PSD3: variants seen among roughly 807,000 people sequenced by gnomAD.
PSD3 encodes the protein pleckstrin and Sec7 domain containing 3, also known as PH and SEC7 domain-containing protein 3.
A neutral mutation model predicts 105.5 loss-of-function variants in PSD3; 49 were observed. The observed-to-expected ratio is 0.46, with a 90% CI of 0.37 to 0.59. The LOEUF is 0.59. Ranked by LOEUF, PSD3 falls within the 20% of genes least tolerant of loss-of-function variation. The pLI is 0.00. For missense variants in PSD3, 1,561 were observed against 1,263.8 expected (o/e 1.24, Z -3.57); for synonymous variants, 557 against 457.8 (o/e 1.22, Z -2.77).
At chr8:18,871,198 A>G (rs1817323501) in intron 3 of PSD3, among the ~76,000 whole-genome samples, 1 of 152,188 alleles carries the variant, frequency 6.6e-6, no homozygotes, top group African/African-American at 2.4e-5. Flanking sequence ...TTGGTGTTAT[A>G]CCCAGAAGAA....
rs544521765 is a variant in PSD3 at position 18,606,051 on chromosome 8, CCT to C, written c.2411-5619_2411-5618del. Among the ~76,000 whole-genome samples the C allele has an allele frequency of 5.7e-4, 87 of 152,228 alleles. 1 individual carries two copies. In the East Asian group the frequency reaches 0.014, roughly 25 times the overall value. On this transcript the variant is annotated intron_variant, in intron 11 of 15. Transcript: ENST00000327040. ...AGAATGGACTACTACAGATTTCTAC[CCT>C]GAGTCTAAATGCTATGTCTAAGCAC...
At chr8:18,595,281 CAA>C (rs35238330) in intron 12 of PSD3, among the ~76,000 whole-genome samples, 15,155 of 122,774 alleles carry the variant, frequency 0.12, 773 homozygotes, top group South Asian at 0.16. Flanking sequence ...AATGTTATTA[CAA>C]AAAAAAAAAA....
At chr8:18,545,672 T>C (rs1800413518) in intron 15 of PSD3, among the ~76,000 whole-genome samples, 1 of 152,232 alleles carries the variant, frequency 6.6e-6, no homozygotes, top group South Asian at 2.1e-4. Context: ...TAGCTTGTTA[T>C]GGCAACATTT....
intron 9 of PSD3, among the ~76,000 whole-genome samples, chr8:18,662,842 C>A (rs1221816794): frequency 2.0e-5 from 3 of 152,138 alleles, no homozygotes; most frequent in African/African-American, 7.2e-5. Flanking sequence ...AAATCCTAGG[C>A]ACAGCTTTTA....
At chr8:18,839,574 G>A (rs1431609688) in intron 4 of PSD3, among the ~76,000 whole-genome samples, 5 of 152,118 alleles carry the variant, frequency 3.3e-5, no homozygotes. Flanking sequence ...CCTACTTTAA[G>A]GAGAAACACT....
intron 9 of PSD3, among the ~76,000 whole-genome samples, chr8:18,747,509 T>A (rs1249438017): frequency 6.6e-6 from 1 of 152,218 alleles, no homozygotes; most frequent in African/African-American, 2.4e-5. Flanking sequence ...AACAGCAATC[T>A]TTCTGAATTA....
At chr8:18,844,319 T>C (rs1415630842) in intron 4 of PSD3, among the ~76,000 whole-genome samples, 1 of 152,184 alleles carries the variant, frequency 6.6e-6, no homozygotes, top group African/African-American at 2.4e-5. Context: ...ATTGATCTTT[T>C]CCCTGTTGTA....
intron 15 of PSD3, among the ~76,000 whole-genome samples, chr8:18,545,821 C>T (rs1301217912): frequency 6.6e-6 from 1 of 152,164 alleles, no homozygotes; most frequent in Non-Finnish European, 1.5e-5. Flanking sequence ...GTGTCACACT[C>T]ACAGCTCCAA....
At chr8:18,884,871 T>C (rs940107783) in intron 2 of PSD3, among the ~76,000 whole-genome samples, 1 of 152,188 alleles carries the variant, frequency 6.6e-6, no homozygotes, top group Non-Finnish European at 1.5e-5. Context: ...CTCTGTGAGC[T>C]AAGGAGTGGC....
At chr8:18,762,845 C>A in intron 9 of PSD3, 1 of 1,024,840 alleles carries the variant, frequency 9.8e-7, no homozygotes, top group Non-Finnish European at 1.3e-6. Context: ...TTTTTCTTAA[C>A]CCTTTCTCTT....
intron 9 of PSD3, among the ~76,000 whole-genome samples, chr8:18,738,712 G>C (rs780185969): frequency 1.3e-5 from 2 of 152,032 alleles, no homozygotes; most frequent in Admixed American, 1.3e-4. Context: ...CCATGACAGA[G>C]ATATAAACAG....
At chr8:19,019,381 C>T (rs1827288420) in intron 1 of PSD3, among the ~76,000 whole-genome samples, 2 of 152,116 alleles carry the variant, frequency 1.3e-5, no homozygotes, top group Non-Finnish European at 2.9e-5. Context: ...AATTCTCAAG[C>T]AATCCAAGAG....
intron 9 of PSD3, among the ~76,000 whole-genome samples, chr8:18,662,130 A>G (rs1392819315): frequency 2.0e-5 from 3 of 152,156 alleles, no homozygotes; most frequent in Non-Finnish European, 4.4e-5. Flanking sequence ...AAAACCACCT[A>G]ACCATGAATA....
intron 1 of PSD3, among the ~76,000 whole-genome samples, chr8:18,983,098 C>A (rs1282390647): frequency 2.0e-5 from 3 of 152,228 alleles, no homozygotes; most frequent in African/African-American, 7.2e-5. Flanking sequence ...GCAGCTTCTA[C>A]ATGAGCAATT....
intron 14 of PSD3, among the ~76,000 whole-genome samples, chr8:18,563,500 G>T (rs77123516): frequency 6.6e-6 from 1 of 151,972 alleles, no homozygotes; most frequent in East Asian, 1.9e-4. Flanking sequence ...TGTTCAAAAC[G>T]AAGTGGTACA....
At chr8:19,041,454 G>C (rs75380113) in intron 1 of PSD3, among the ~76,000 whole-genome samples, 1 of 152,178 alleles carries the variant, frequency 6.6e-6, no homozygotes, top group East Asian at 1.9e-4. Context: ...GTGAGAGAAT[G>C]TGTATGAAAA....
At chr8:18,693,155 G>A (rs941694215) in intron 9 of PSD3, among the ~76,000 whole-genome samples, 2 of 152,208 alleles carry the variant, frequency 1.3e-5, no homozygotes, top group African/African-American at 2.4e-5. Flanking sequence ...TCCCCCAACT[G>A]CTGGTTGTAC....
At chr8:18,972,122 A>G (rs1263309173) in intron 1 of PSD3, among the ~76,000 whole-genome samples, 1 of 152,234 alleles carries the variant, frequency 6.6e-6, no homozygotes, top group Non-Finnish European at 1.5e-5. Context: ...TGAATAGCCT[A>G]TTTCCTCAAT....
chr8:18,579,789 A>C (rs1366108830), intron 12 of PSD3, among the ~76,000 whole-genome samples: 2 of 152,176 alleles, frequency 1.3e-5, no homozygotes, highest in African/African-American at 4.8e-5. Flanking sequence ...AATTCTTATC[A>C]ATTTAAAAAG....
Sources: gnomAD v4.1 joint callset for allele counts (sites outside exome capture counted in the v4.1 genomes callset) on GRCh38, gnomAD v4.1.1 for gene constraint, MANE v1.5 for transcripts, NCBI Gene and HGNC (gene_info 2026-07-23, HGNC 2026-07-21) for gene names.